The following CLVS2 variants were observed in gnomAD, a reference collection of about 807,000 sequenced individuals.
CLVS2 encodes clavesin 2, also known as clavesin-2.
In CLVS2, 19 loss-of-function variants were observed where a neutral mutation model predicts 29.0. That is an observed-to-expected ratio of 0.66 (90% confidence interval 0.46 to 0.96). The LOEUF is 0.96. Ranked by LOEUF, CLVS2 falls within the 40% of genes least tolerant of loss-of-function variation. The pLI, the probability that CLVS2 is intolerant of heterozygous loss-of-function variation, is 0.00. For synonymous variants in CLVS2, 161 were observed against 151.3 expected (o/e 1.06, Z -0.47); for missense variants, 294 against 404.1 (o/e 0.73, Z 2.34).
rs1484807155 is a variant in CLVS2 at position 123,064,900 on chromosome 6, C to T, written c.*1139C>T. 6.6e-6 allele frequency: 1 copy of T among 151,806 alleles called. No homozygotes were observed. The highest frequency in any genetic ancestry group is 1.5e-5 in the Non-Finnish European group (1 of 67,808). The allele number at this position is 151,806 out of a possible 1,614,324, so 9.4% of individuals were successfully genotyped here. ...CAAGTTAATTTATAATGCAATCTTA[C>T]ATATGTGCCATCTTATTTGAACTAT... On this transcript the variant is annotated 3_prime_UTR_variant, in exon 6 of 6. Coordinates refer to ENST00000275162, the MANE Select transcript of CLVS2 (RefSeq NM_001010852.4).
chr6:123,056,720 G>A (rs565231095), intron 5 of CLVS2, among the ~76,000 whole-genome samples: 10 of 152,064 alleles, frequency 6.6e-5, no homozygotes, highest in Non-Finnish European at 1.5e-4. Context: ...ACTGTTGTGG[G>A]AGCAACTCTC....
intron 3 of CLVS2, among the ~76,000 whole-genome samples, chr6:123,020,573 G>T (rs1041205462): frequency 6.6e-6 from 1 of 152,028 alleles, no homozygotes; most frequent in Non-Finnish European, 1.5e-5. Context: ...AAGTCTTGTT[G>T]TATGTGTGGA....
At position 123,041,569 on chromosome 6, in the gene CLVS2, A is replaced by G. The variant is rs1775235348; in HGVS notation, c.565-7053A>G. 3.9e-5 allele frequency among the ~76,000 whole-genome samples: 6 copies of G among 152,232 alleles called. 1 individual carries two copies. Among genetic ancestry groups the G allele is most frequent in the Admixed American group, 2.6e-4 (4 of 15,276 alleles). Reference sequence around the variant, plus strand: ...CTGAATTCCCTTAAAGGAGAGTGACAGGGCAAAAGAGAGATTTTCCAGGAG... The same window carrying G: ...CTGAATTCCCTTAAAGGAGAGTGACGGGGCAAAAGAGAGATTTTCCAGGAG... On this transcript the variant is annotated intron_variant, in intron 3 of 5. Transcript: ENST00000275162.
intron 3 of CLVS2, among the ~76,000 whole-genome samples, chr6:123,032,526 T>C (rs567278347): frequency 3.9e-5 from 6 of 152,172 alleles, no homozygotes; most frequent in African/African-American, 1.4e-4. Flanking sequence ...GTGGCAAAAA[T>C]GACATTTAAC....
intron 3 of CLVS2, among the ~76,000 whole-genome samples, chr6:123,020,262 A>G (rs557170107): frequency 6.6e-6 from 1 of 152,248 alleles, no homozygotes; most frequent in South Asian, 2.1e-4. Flanking sequence ...ACTTACCAGT[A>G]GAGTATCCCA....
chr6:123,057,295 A>G (rs541136396), intron 5 of CLVS2, among the ~76,000 whole-genome samples: 1 of 144,264 alleles, frequency 6.9e-6, no homozygotes, highest in East Asian at 2.1e-4. Context: ...CATAGCTCTG[A>G]CTCATGGAGT....
chr6:123,016,371 T>A (rs959828327), intron 3 of CLVS2, among the ~76,000 whole-genome samples: 1 of 151,872 alleles, frequency 6.6e-6, no homozygotes, highest in Non-Finnish European at 1.5e-5. Flanking sequence ...TGTGTTTTTT[T>A]AATAAAATGT....
intron 4 of CLVS2, 74 bp from the exon 5 acceptor site, chr6:123,055,732 C>T (rs1489718722): frequency 9.6e-7 from 1 of 1,046,892 alleles, no homozygotes; most frequent in African/African-American, 1.6e-5. Context: ...ATCCTCACAT[C>T]CCCCCTGTAG....
At chr6:123,017,400 T>G (rs899069213) in intron 3 of CLVS2, among the ~76,000 whole-genome samples, 13 of 152,050 alleles carry the variant, frequency 8.5e-5, no homozygotes, top group Non-Finnish European at 1.5e-4. Flanking sequence ...GTGAACTGTA[T>G]TCATTCAGGC....
chr6:123,056,639 T>C lies in CLVS2; in HGVS notation c.896+613T>C, dbSNP rs554253201. On this transcript the variant is annotated intron_variant, in intron 5 of 5. Coordinates refer to ENST00000275162, the MANE Select transcript of CLVS2 (RefSeq NM_001010852.4). ...CAAATCTGGTGGTTTTCAAATTGTA[T>C]CCTGAGAAACCAAAGGTTTTGAGGG... 4.4e-4 allele frequency among the ~76,000 whole-genome samples: 67 copies of C among 152,262 alleles called. 3 individuals carry two copies. The South Asian group carries it at 0.012, about 26-fold the overall frequency.
At chr6:123,000,486 A>G (rs1582640735) in intron 2 of CLVS2, among the ~76,000 whole-genome samples, 1 of 152,170 alleles carries the variant, frequency 6.6e-6, no homozygotes, top group African/African-American at 2.4e-5. Context: ...AACTCAAAGG[A>G]CAGCTGCCTT....
In CLVS2 at chr6:123,065,745, A is replaced by AGCC. The variant is rs1419853836; in HGVS notation, c.*1984_*1985insGCC. ...GTATAATCCATTGGAATAAAATAGA[A>AGCC]ACATTGTAAGTGCAGAGGGCAGTCA... On this transcript the variant is annotated 3_prime_UTR_variant, in exon 6 of 6. Coordinates refer to ENST00000275162, the MANE Select transcript of CLVS2 (RefSeq NM_001010852.4). The AGCC allele has an allele frequency of 6.6e-6, 1 of 151,828 alleles. No homozygotes were observed. The highest frequency in any genetic ancestry group is 6.6e-5 in the Admixed American group (1 of 15,204). The allele number at this position is 151,828 out of a possible 1,614,324, so 9.4% of individuals were successfully genotyped here.
intron 3 of CLVS2, among the ~76,000 whole-genome samples, chr6:123,038,543 T>A (rs1244855758): frequency 6.6e-6 from 1 of 152,142 alleles, no homozygotes; most frequent in Admixed American, 6.6e-5. Flanking sequence ...TTTCAGAACA[T>A]TTGCAAAATT....
intron 3 of CLVS2, among the ~76,000 whole-genome samples, chr6:123,035,820 C>T (rs1775145773): frequency 6.6e-6 from 1 of 152,104 alleles, no homozygotes; most frequent in East Asian, 1.9e-4. Flanking sequence ...ACCACACAAA[C>T]ACACCCCCAT....
chr6:123,006,565 A>G (rs1214686056), intron 2 of CLVS2, among the ~76,000 whole-genome samples: 1 of 152,200 alleles, frequency 6.6e-6, no homozygotes, highest in Non-Finnish European at 1.5e-5. Flanking sequence ...ATAAATATAT[A>G]AAAGACAAAA....
chr6:123,024,980 C>T (rs1322344994), intron 3 of CLVS2, among the ~76,000 whole-genome samples: 1 of 152,072 alleles, frequency 6.6e-6, no homozygotes, highest in African/African-American at 2.4e-5. Context: ...CCTAGGATAC[C>T]ATGCCTACTT....
chr6:123,007,902 A>T (rs1220365611), intron 2 of CLVS2, among the ~76,000 whole-genome samples: 1 of 152,218 alleles, frequency 6.6e-6, no homozygotes. Context: ...GAACAAGTAG[A>T]GTATTTCATT....
At chr6:123,055,168 T>C (rs1308151812) in intron 4 of CLVS2, among the ~76,000 whole-genome samples, 2 of 152,186 alleles carry the variant, frequency 1.3e-5, no homozygotes, top group Admixed American at 1.3e-4. Flanking sequence ...AAATCTTTAG[T>C]AGAGAAGATA....
At chr6:123,025,800 G>T (rs148894675) in intron 3 of CLVS2, among the ~76,000 whole-genome samples, 3 of 152,064 alleles carry the variant, frequency 2.0e-5, no homozygotes, top group Admixed American at 2.0e-4. Flanking sequence ...GCTTTCTGTG[G>T]AGTTTCCTCT....
Sources: gnomAD v4.1 joint callset for allele counts (sites outside exome capture counted in the v4.1 genomes callset) on GRCh38, gnomAD v4.1.1 for gene constraint, MANE v1.5 for transcripts, NCBI Gene and HGNC (gene_info 2026-07-23, HGNC 2026-07-21) for gene names.